The following NSMAF variants were observed in gnomAD, a reference collection of about 807,000 sequenced individuals.
NSMAF encodes neutral sphingomyelinase activation associated factor, also known as protein FAN.
A neutral mutation model predicts 134.9 loss-of-function variants in NSMAF; 90 were observed. That is an observed-to-expected ratio of 0.67 (90% CI 0.56 to 0.79). The LOEUF is 0.79. NSMAF is among the 30% of genes least tolerant of loss of function. NSMAF has a pLI of 0.00. For synonymous variants in NSMAF, 358 were observed against 389.6 expected (o/e 0.92, Z 0.96); for missense variants, 1,010 against 1,119.0 (o/e 0.90, Z 1.39).
chr8:58,638,621 T>G (rs994318633), intron 2 of NSMAF, among the ~76,000 whole-genome samples: 1 of 151,800 alleles, frequency 6.6e-6, no homozygotes, highest in Non-Finnish European at 1.5e-5. Context: ...TACATAAAAA[T>G]CTACTTGAAA....
chr8:58,629,690 G>A (rs1406038897), intron 6 of NSMAF, among the ~76,000 whole-genome samples: 1 of 152,190 alleles, frequency 6.6e-6, no homozygotes, highest in East Asian at 1.9e-4. Context: ...TACAGAGAAA[G>A]AGACCTTCAT....
Position 58,597,529 on chromosome 8 carries a change from C to G in NSMAF, c.1650G>C (p.Lys550Asn), listed in dbSNP as rs899118999. 6.2e-7 allele frequency: 1 copy of G among 1,614,040 alleles called. No individual in the cohort carries two copies. The highest frequency in any genetic ancestry group is 1.7e-5 in the Admixed American group (1 of 60,010). The change falls in exon 21 of 31, where the codon AAG becomes AAC. Residue 550 changes from lysine (K) to asparagine (N), a missense_variant. By Grantham distance (94) the Lys-to-Asn change is moderately conservative. Coordinates refer to ENST00000038176, the MANE Select transcript of NSMAF (RefSeq NM_003580.4). Reference sequence around the variant, plus strand: ...CCAAGATTTGCGTAAGCATGGCTACCTTCTCATCAGGATCCTGGATGCTTT... The same window carrying G: ...CCAAGATTTGCGTAAGCATGGCTACGTTCTCATCAGGATCCTGGATGCTTT... ...DLNSIQDPDE[K>N]VAMLTQILEF... is the part of the protein sequence containing the mutation.
chr8:58,617,381 G>A (rs1250829468), intron 9 of NSMAF, among the ~76,000 whole-genome samples: 1 of 152,120 alleles, frequency 6.6e-6, no homozygotes, highest in African/African-American at 2.4e-5. Flanking sequence ...GCAACCTACA[G>A]AATGGGAGAA....
rs959713067 is a variant in NSMAF, at chr8:58,603,496, G to C, written c.869-110C>G. ...CCTGTGCATTCTTGAAAAATGCATT[G>C]TAAGAAAAAGAAAAGTAGGCTGCTG... is the stretch of plus-strand genomic sequence containing the variant. On this transcript the variant is annotated intron_variant, in intron 12 of 30. Coordinates refer to ENST00000038176, the MANE Select transcript of NSMAF (RefSeq NM_003580.4). The C allele has an allele frequency of 3.8e-5, 36 of 956,490 alleles. No individual in the cohort carries two copies. In the Admixed American group the frequency reaches 9.9e-4, roughly 26 times the overall value. 59.3% of individuals were successfully genotyped at this position (956,490 alleles called of 1,614,324 possible).
chr8:58,589,937 T>C (rs1201873035), intron 25 of NSMAF, 70 bp downstream of exon 25: 1 of 1,349,256 alleles, frequency 7.4e-7, no homozygotes, highest in Non-Finnish European at 1.1e-6. Context: ...TTCTGGCTTT[T>C]CACACCTCAT....
intron 9 of NSMAF, among the ~76,000 whole-genome samples, chr8:58,610,766 G>A (rs1313151762): frequency 1.3e-5 from 2 of 152,198 alleles, no homozygotes; most frequent in African/African-American, 4.8e-5. Flanking sequence ...GCTGTCGACT[G>A]AGGTGCAAAA....
chr8:58,604,226 C>T (rs1317736472), intron 12 of NSMAF, among the ~76,000 whole-genome samples: 2 of 152,200 alleles, frequency 1.3e-5, no homozygotes, highest in East Asian at 3.9e-4. Context: ...TCGTTTTCTA[C>T]TTTTGAAACC....
chr8:58,655,840 G>A (rs183086044), intron 1 of NSMAF, among the ~76,000 whole-genome samples: 2,180 of 151,660 alleles, frequency 0.014, 62 homozygotes, highest in African/African-American at 0.051. Context: ...CCGGGAGGCG[G>A]AACTTGCAGT....
intron 2 of NSMAF, among the ~76,000 whole-genome samples, chr8:58,640,673 C>G (rs906970672): frequency 6.6e-6 from 1 of 152,088 alleles, no homozygotes; most frequent in Non-Finnish European, 1.5e-5. Context: ...TTTTCTGTGG[C>G]TAACTCCAAC....
chr8:58,622,228 G>C (rs2129144187), intron 9 of NSMAF, among the ~76,000 whole-genome samples: 1 of 152,194 alleles, frequency 6.6e-6, no homozygotes, highest in South Asian at 2.1e-4. Flanking sequence ...TGTTTAGAAA[G>C]GACATTTTAA....
intron 26 of NSMAF, among the ~76,000 whole-genome samples, chr8:58,588,996 C>T (rs1316241504): frequency 1.3e-5 from 2 of 151,526 alleles, no homozygotes; most frequent in Non-Finnish European, 2.9e-5. Context: ...ACTCTAGCCC[C>T]AGCCTAGGTA....
At chr8:58,656,389 T>A (rs1448862195) in intron 1 of NSMAF, among the ~76,000 whole-genome samples, 4 of 152,252 alleles carry the variant, frequency 2.6e-5, no homozygotes, top group Non-Finnish European at 5.9e-5. Flanking sequence ...CCAAAACATT[T>A]ATTTATAAAC....
intron 1 of NSMAF, 89 bp downstream of exon 1, chr8:58,659,484 G>A: frequency 6.7e-7 from 1 of 1,491,898 alleles, no homozygotes; most frequent in Admixed American, 2.1e-5. Context: ...CCCCCACGCC[G>A]CCTCCCGTCC....
chr8:58,625,169 C>G (rs1806897027), intron 6 of NSMAF, among the ~76,000 whole-genome samples: 1 of 152,164 alleles, frequency 6.6e-6, no homozygotes, highest in Admixed American at 6.5e-5. Context: ...AACACTCTTT[C>G]TTCCTGTCTT....
At chr8:58,607,711 T>C in intron 11 of NSMAF, 58 bp downstream of exon 11, 1 of 1,345,226 alleles carries the variant, frequency 7.4e-7, no homozygotes, top group East Asian at 2.3e-5. Flanking sequence ...GTCAATAAAC[T>C]GCTGGCTAAA....
chr8:58,612,513 A>G (rs1398772766), intron 9 of NSMAF, among the ~76,000 whole-genome samples: 1 of 152,164 alleles, frequency 6.6e-6, no homozygotes, highest in Admixed American at 6.5e-5. Context: ...ACATAAGTAA[A>G]TATTTCCAAG....
Position 58,587,697 on chromosome 8 carries a change from C to G in NSMAF, c.2216G>C (p.Trp739Ser), listed in dbSNP as rs746072346. ...SASWDSTVKV[W>S]SGVPAEMPGT... The stretch of plus-strand genomic sequence containing the variant: ...TGGCATCTCTGCAGGAACACCAGAC[C>G]ACACCTAGGATGGAACATATTGCAG... The change falls in exon 27 of 31, where the codon TGG becomes TCG. Residue 739 changes from tryptophan to serine, a missense_variant. Transcript: ENST00000038176. 1 of 1,613,854 alleles carries G rather than the reference C, an allele frequency of 6.2e-7. No homozygotes were observed. The highest frequency in any genetic ancestry group is 1.1e-5 in the South Asian group (1 of 91,060).
chr8:58,657,569 A>G lies in NSMAF; in HGVS notation c.59+2004T>C, dbSNP rs144667907. Reference sequence around the variant, plus strand: ...GCCTTAAAATATTCCTCTGTTTCAGAATGAATTCTAAGATTTATAAAAGAG... The same window carrying G: ...GCCTTAAAATATTCCTCTGTTTCAGGATGAATTCTAAGATTTATAAAAGAG... On this transcript the variant is annotated intron_variant, in intron 1 of 30. Coordinates refer to ENST00000038176, the MANE Select transcript of NSMAF (RefSeq NM_003580.4). Among the ~76,000 whole-genome samples the G allele has an allele frequency of 1.1e-3, 165 of 152,370 alleles. 1 individual carries two copies. The highest frequency in any genetic ancestry group is 3.9e-3 in the African/African-American group (161 of 41,588).
At chr8:58,596,831 G>A (rs1177126487) in intron 21 of NSMAF, among the ~76,000 whole-genome samples, 2 of 152,014 alleles carry the variant, frequency 1.3e-5, no homozygotes, top group Non-Finnish European at 2.9e-5. Context: ...AGGAGGCTGA[G>A]GCAGGAGAAC....
Sources: allele counts gnomAD v4.1 joint callset (sites outside exome capture counted in the v4.1 genomes callset), GRCh38; gene constraint gnomAD v4.1.1; transcripts MANE v1.5; gene names NCBI Gene and HGNC (gene_info 2026-07-23, HGNC 2026-07-21).